Variants in DNAH9 observed in about 807,000 individuals in gnomAD.
The protein encoded by DNAH9 is dynein axonemal heavy chain 9.
DNAH9 carries 345 observed loss-of-function variants against 471.6 expected under a neutral mutation model. The ratio of observed to expected loss-of-function variants is 0.73; its 90% CI spans 0.67 to 0.80. DNAH9 has a LOEUF of 0.80. Ranked by LOEUF, DNAH9 falls within the 30% of genes least tolerant of loss-of-function variation. DNAH9 has a pLI of 0.00. For missense variants in DNAH9, 5,407 were observed against 5,609.2 expected (o/e 0.96, Z 1.15); for synonymous variants, 2,093 against 2,123.6 (o/e 0.99, Z 0.40).
chr17:11,719,490 G>C lies in DNAH9; in HGVS notation c.5709G>C (p.Lys1903Asn). The C allele has an allele frequency of 7.4e-6, 12 of 1,611,024 alleles. No individual in the cohort carries two copies. Among genetic ancestry groups the C allele is most frequent in the Non-Finnish European group, 1.0e-5 (12 of 1,178,538 alleles). The change falls in exon 27 of 69, where the codon AAG becomes AAC. Residue 1903 changes from lysine to asparagine, a missense_variant and splice_region_variant. Physicochemically the swap from Lys to Asn is moderately conservative, Grantham distance 94. Around this residue, in one of 3 missense-constraint regions of DNAH9, gnomAD observed 4,636 missense variants for 4,900.3 expected, o/e 0.95. Coordinates refer to ENST00000262442, the MANE Select transcript of DNAH9 (RefSeq NM_001372.4). ...VFNCSEQMDY[K>N]SCGNIYKGLA... ...ACTGCTCGGAGCAGATGGATTACAA[G>C]GTACAGTTCCACCCGGCTTCCTGGG...
chr17:11,752,728 A>G (rs1597593678), intron 32 of DNAH9, 105 bp from the exon 33 acceptor site: 1 of 853,426 alleles, frequency 1.2e-6, no homozygotes, highest in East Asian at 2.8e-5. Context: ...TGCATGTTCC[A>G]TGTACGCCCC....
chr17:11,835,641 G>A (rs953044096), intron 49 of DNAH9, among the ~76,000 whole-genome samples: 1 of 152,218 alleles, frequency 6.6e-6, no homozygotes, highest in African/African-American at 2.4e-5. Flanking sequence ...GTTGGCACCA[G>A]AGATGGACAG....
chr17:11,736,331 G>C (rs929761770), intron 28 of DNAH9, among the ~76,000 whole-genome samples: 7 of 152,182 alleles, frequency 4.6e-5, no homozygotes, highest in Non-Finnish European at 1.0e-4. Flanking sequence ...AGAAAACGAT[G>C]CATTTTCGAT....
At chr17:11,678,418 G>C (rs1278301011) in intron 17 of DNAH9, among the ~76,000 whole-genome samples, 5 of 152,218 alleles carry the variant, frequency 3.3e-5, no homozygotes, top group Non-Finnish European at 5.9e-5. Flanking sequence ...TATTGATGAA[G>C]TGTTCTCATT....
chr17:11,797,461 A>G lies in DNAH9; in HGVS notation c.8224-136A>G, dbSNP rs76529070. Reference sequence around the variant, plus strand: ...AAGCATCCACTTAAAAGGGCTTCTCAAGAGAAGGGCATGTTGGAAGTAGCA... The same window carrying G: ...AAGCATCCACTTAAAAGGGCTTCTCGAGAGAAGGGCATGTTGGAAGTAGCA... On this transcript the variant is annotated intron_variant, in intron 42 of 68. Transcript: ENST00000262442. The G allele has an allele frequency of 2.6e-4, 169 of 652,978 alleles. 1 individual carries two copies. The African/African-American group carries it at 2.9e-3, about 11-fold the overall frequency. The allele number at this position is 652,978 out of a possible 1,614,324, so 40.4% of individuals were successfully genotyped here. A position where few individuals can be genotyped will look rare whatever the true frequency, so the allele number is the denominator to read the frequency against.
At chr17:11,808,330 T>A (rs758172628) in intron 44 of DNAH9, among the ~76,000 whole-genome samples, 1 of 152,184 alleles carries the variant, frequency 6.6e-6, no homozygotes, top group Non-Finnish European at 1.5e-5. Context: ...CAGCCAGCAC[T>A]TGGAGGCTGG....
intron 67 of DNAH9, among the ~76,000 whole-genome samples, chr17:11,961,405 T>C (rs185646227): frequency 6.2e-4 from 95 of 152,224 alleles, no homozygotes; most frequent in Non-Finnish European, 1.3e-3. Context: ...TTAAAGTTGA[T>C]TACATATCCA....
chr17:11,824,968 G>T (rs1970439784), intron 48 of DNAH9, among the ~76,000 whole-genome samples: 1 of 149,894 alleles, frequency 6.7e-6, no homozygotes, highest in African/African-American at 2.5e-5. Context: ...TTGCTCTGTG[G>T]TTTTATATAG....
chr17:11,676,275 C>CTTTTTTTT (rs67397847), intron 17 of DNAH9, among the ~76,000 whole-genome samples: 39 of 73,840 alleles, frequency 5.3e-4, no homozygotes, highest in South Asian at 9.7e-4. Context: ...CATTTCTGTT[C>CTTTTTTTT]TTTTTTTTTT....
intron 61 of DNAH9, among the ~76,000 whole-genome samples, chr17:11,915,110 ATTACACTAGCCTC>A (rs1973900756): frequency 6.6e-6 from 1 of 152,134 alleles, no homozygotes; most frequent in African/African-American, 2.4e-5. Flanking sequence ...CACCTGGCTT[ATTACACTAGCCTC>A]CTAGCTCATC....
chr17:11,766,923 C>T (rs968576769), intron 36 of DNAH9, among the ~76,000 whole-genome samples: 7 of 150,688 alleles, frequency 4.6e-5, no homozygotes, highest in East Asian at 3.9e-4. Context: ...GAGCTGAGAT[C>T]GCGCCACTGC....
chr17:11,766,601 G>A (rs1270249663), intron 36 of DNAH9, among the ~76,000 whole-genome samples: 2 of 152,210 alleles, frequency 1.3e-5, no homozygotes, highest in East Asian at 1.9e-4. Context: ...ACAGTGAACT[G>A]TGAGAGCCCA....
chr17:11,619,072 G>A (rs1282222845), intron 5 of DNAH9, among the ~76,000 whole-genome samples: 1 of 152,252 alleles, frequency 6.6e-6, no homozygotes, highest in Non-Finnish European at 1.5e-5. Context: ...TTGCAATGTG[G>A]CCTTAGATGA....
chr17:11,869,023 C>T, intron 50 of DNAH9, 111 bp from the exon 51 acceptor site: 2 of 1,298,220 alleles, frequency 1.5e-6, no homozygotes, highest in Non-Finnish European at 2.1e-6. Context: ...ATAGGAATGC[C>T]CCCGCAGAGT....
At chr17:11,913,001 C>T (rs1973837238) in intron 61 of DNAH9, among the ~76,000 whole-genome samples, 1 of 152,064 alleles carries the variant, frequency 6.6e-6, no homozygotes, top group South Asian at 2.1e-4. Context: ...AACCCCATCT[C>T]TACTAAAAAC....
chr17:11,880,965 C>G (rs545029678), intron 54 of DNAH9, among the ~76,000 whole-genome samples: 1 of 152,140 alleles, frequency 6.6e-6, no homozygotes, highest in Non-Finnish European at 1.5e-5. Flanking sequence ...TACATTGACA[C>G]AACAGGCATG....
At chr17:11,812,941 G>A (rs1597683316) in intron 45 of DNAH9, among the ~76,000 whole-genome samples, 1 of 152,148 alleles carries the variant, frequency 6.6e-6, no homozygotes, top group Admixed American at 6.5e-5. Flanking sequence ...ATCAGTCTGA[G>A]AGAATACAGC....
chr17:11,917,880 G>A (rs763728307), intron 61 of DNAH9, among the ~76,000 whole-genome samples: 5 of 152,006 alleles, frequency 3.3e-5, no homozygotes, highest in Non-Finnish European at 7.4e-5. Context: ...CCCTGATGCC[G>A]GCATCTTCTC....
intron 67 of DNAH9, among the ~76,000 whole-genome samples, chr17:11,945,920 G>A (rs1006195491): frequency 6.6e-6 from 1 of 151,796 alleles, no homozygotes; most frequent in Non-Finnish European, 1.5e-5. Context: ...AAAATTAGCC[G>A]GGCGTAGTGG....
Sources: allele counts gnomAD v4.1 joint callset (sites outside exome capture counted in the v4.1 genomes callset), GRCh38; gene constraint gnomAD v4.1.1; regional missense constraint gnomAD v4.1.1; transcripts MANE v1.5; gene names NCBI Gene and HGNC (gene_info 2026-07-23, HGNC 2026-07-21).